Variants in MEGF11 observed in about 807,000 individuals in gnomAD.
The protein encoded by MEGF11 is multiple EGF like domains 11.
MEGF11 carries 126 observed loss-of-function variants against 146.6 expected under a neutral mutation model. The observed-to-expected ratio is 0.86, with a 90% confidence interval of 0.74 to 1.00. MEGF11 has a LOEUF of 1.00. Among genes scored for constraint, MEGF11 ranks in the 50% least tolerant of loss-of-function variants. The pLI is 0.00. For synonymous variants in MEGF11, 532 were observed against 583.4 expected, an observed-to-expected ratio of 0.91 and a Z score of 1.27; for missense variants, 1,509 against 1,521.2, an observed-to-expected ratio of 0.99 and a Z score of 0.13.
rs559918035 is a variant in MEGF11, at chr15:66,161,744, G to A, written c.-8-33333C>T. Among the ~76,000 whole-genome samples, 4 of 152,254 alleles carry A rather than the reference G, an allele frequency of 2.6e-5. No homozygotes were observed. The South Asian group carries it at 6.2e-4, about 24-fold the overall frequency. On this transcript the variant is annotated intron_variant, in intron 1 of 25. Transcript: ENST00000395614. The stretch of plus-strand genomic sequence containing the variant: ...ATTTAAGTGAGGATGAGCACTCAGA[G>A]GGACAAACACTGATTCTTGTGCTTC...
At chr15:66,111,995 C>G (rs1292319631) in intron 4 of MEGF11, among the ~76,000 whole-genome samples, 2 of 151,582 alleles carry the variant, frequency 1.3e-5, no homozygotes, top group Non-Finnish European at 2.9e-5. Context: ...CATTAGAGTG[C>G]CCGACAAGAA....
chr15:66,003,055 G>A (rs896217633), intron 5 of MEGF11, among the ~76,000 whole-genome samples: 4 of 151,138 alleles, frequency 2.6e-5, no homozygotes, highest in Non-Finnish European at 5.9e-5. Flanking sequence ...ATGCAGTGGT[G>A]CAGTCTCAAT....
intron 1 of MEGF11, among the ~76,000 whole-genome samples, chr15:66,191,079 C>T (rs1263773401): frequency 6.6e-6 from 1 of 152,058 alleles, no homozygotes; most frequent in African/African-American, 2.4e-5. Flanking sequence ...CAAGTTTCTC[C>T]CCCGATATCA....
intron 3 of MEGF11, 59 bp from the exon 4 acceptor site, chr15:66,119,245 A>G (rs779144241): frequency 6.6e-6 from 8 of 1,206,872 alleles, no homozygotes; most frequent in Non-Finnish European, 7.1e-6. Flanking sequence ...TCCCATTTAG[A>G]ATGATATTTG....
chr15:66,122,383 T>G (rs1320451921), intron 3 of MEGF11, among the ~76,000 whole-genome samples: 1 of 152,092 alleles, frequency 6.6e-6, no homozygotes, highest in Non-Finnish European at 1.5e-5. Flanking sequence ...CTCTGCTCAA[T>G]GTCTCACAGC....
intron 1 of MEGF11, among the ~76,000 whole-genome samples, chr15:66,151,133 T>C (rs1296273168): frequency 6.6e-6 from 1 of 151,756 alleles, no homozygotes; most frequent in Non-Finnish European, 1.5e-5. Context: ...AGGAGAGGAG[T>C]GTCCTGACCA....
chr15:66,204,379 T>C (rs1567282935), intron 1 of MEGF11, among the ~76,000 whole-genome samples: 1 of 151,876 alleles, frequency 6.6e-6, no homozygotes, highest in Non-Finnish European at 1.5e-5. Context: ...TACTCCGACC[T>C]GGATGACAGA....
chr15:65,958,202 A>G (rs2080725831), intron 9 of MEGF11, among the ~76,000 whole-genome samples: 1 of 152,246 alleles, frequency 6.6e-6, no homozygotes, highest in African/African-American at 2.4e-5. Flanking sequence ...TGTTGGGCTG[A>G]GTGAAAACAA....
chr15:66,006,770 A>G (rs1381113576), intron 5 of MEGF11, among the ~76,000 whole-genome samples: 27 of 152,256 alleles, frequency 1.8e-4, no homozygotes, highest in Non-Finnish European at 4.4e-5. Flanking sequence ...GAACATGGAG[A>G]GGTGGGCTTT....
intron 5 of MEGF11, among the ~76,000 whole-genome samples, chr15:66,082,091 A>G (rs2085882430): frequency 6.6e-6 from 1 of 152,152 alleles, no homozygotes; most frequent in African/African-American, 2.4e-5. Flanking sequence ...TTGTTACAGC[A>G]GCCTGAACTA....
intron 4 of MEGF11, among the ~76,000 whole-genome samples, chr15:66,098,361 T>C (rs1198814646): frequency 6.6e-6 from 1 of 152,192 alleles, no homozygotes; most frequent in Non-Finnish European, 1.5e-5. Context: ...CTCCCTTCTA[T>C]TGGGCCTCCA....
intron 5 of MEGF11, among the ~76,000 whole-genome samples, chr15:66,092,470 A>G (rs781766355): frequency 1.3e-5 from 2 of 152,326 alleles, no homozygotes; most frequent in Non-Finnish European, 2.9e-5. Context: ...GCTTAGCACC[A>G]AGTCTGGTGA....
intron 7 of MEGF11, 105 bp from the exon 8 acceptor site, chr15:65,970,794 A>T: frequency 1.5e-6 from 2 of 1,353,492 alleles, no homozygotes; most frequent in Non-Finnish European, 1.0e-6. Context: ...AACTTCCCAG[A>T]AGAAGTTCAG....
At chr15:66,010,869 C>T (rs935699499) in intron 5 of MEGF11, among the ~76,000 whole-genome samples, 1 of 152,082 alleles carries the variant, frequency 6.6e-6, no homozygotes, top group African/African-American at 2.4e-5. Flanking sequence ...ATTGAGAAAA[C>T]CACTTTCAAG....
intron 8 of MEGF11, among the ~76,000 whole-genome samples, chr15:65,968,888 T>C (rs2081205765): frequency 1.3e-5 from 2 of 152,226 alleles, no homozygotes; most frequent in African/African-American, 4.8e-5. Flanking sequence ...CACTCAACTT[T>C]AATATGCTCA....
rs147399175 is a variant in MEGF11 at position 66,154,698 on chromosome 15, G to A, written c.-8-26287C>T. Among the ~76,000 whole-genome samples, 586 of 152,324 alleles carry A rather than the reference G, an allele frequency of 3.8e-3. 6 individuals carry two copies. The highest frequency in any genetic ancestry group is 0.03 in the East Asian group (158 of 5,190). Reference sequence around the variant, plus strand: ...TGTTGGAGACCTGCCAGAGAAAGACGCACACACCTGGGTGGTAGTCAAAAT... The same window carrying A: ...TGTTGGAGACCTGCCAGAGAAAGACACACACACCTGGGTGGTAGTCAAAAT... On this transcript the variant is annotated intron_variant, in intron 1 of 25. Coordinates refer to ENST00000395614, the MANE Select transcript of MEGF11 (RefSeq NM_001385028.1).
Position 65,899,146 on chromosome 15 carries a change from G to A in MEGF11, c.3056-212C>T, listed in dbSNP as rs186666295. On this transcript the variant is annotated intron_variant, in intron 24 of 25. Transcript: ENST00000395614. ...TCCAAAGAAACTTATGTTTTTGGAGGATAGGAACATTTTTGTTTTTAGTAG... is the reference window on the plus strand; with the variant it reads ...TCCAAAGAAACTTATGTTTTTGGAGAATAGGAACATTTTTGTTTTTAGTAG... 9.8e-4 allele frequency among the ~76,000 whole-genome samples: 149 copies of A among 152,338 alleles called. 2 individuals carry two copies. The Middle Eastern group carries it at 0.01, about 10-fold the overall frequency.
rs2078891431 is a variant in MEGF11, at chr15:65,913,720, A to C, written c.2710+17T>G. On this transcript the variant is annotated intron_variant, in intron 20 of 25. Coordinates refer to ENST00000395614, the MANE Select transcript of MEGF11 (RefSeq NM_001385028.1). ...TGTGGAGGGGAAGAGGAGGGAGGCC[A>C]GGAGCATGGCCCTTACCTGAGAGGG... 6.3e-7 allele frequency: 1 copy of C among 1,596,380 alleles called. No homozygotes were observed. The highest frequency in any genetic ancestry group is 8.6e-7 in the Non-Finnish European group (1 of 1,169,254).
At chr15:66,144,194 C>G (rs2141014656) in intron 1 of MEGF11, among the ~76,000 whole-genome samples, 1 of 152,262 alleles carries the variant, frequency 6.6e-6, no homozygotes, top group Admixed American at 6.5e-5. Context: ...ATGCTGTGAC[C>G]TCATTCCCAG....
Sources: allele counts gnomAD v4.1 joint callset (sites outside exome capture counted in the v4.1 genomes callset), GRCh38; gene constraint gnomAD v4.1.1; transcripts MANE v1.5; gene names NCBI Gene and HGNC (gene_info 2026-07-23, HGNC 2026-07-21).